Variants in AQP7 observed in about 807,000 individuals in gnomAD.
The protein encoded by AQP7 is aquaporin 7, also known as aquaporin-7.
In AQP7, 22 loss-of-function variants were observed where a neutral mutation model predicts 26.1. The ratio of observed to expected loss-of-function variants is 0.84; its 90% confidence interval spans 0.60 to 1.20. The LOEUF is 1.20. Ranked by LOEUF, AQP7 falls within the 50% of genes most tolerant of loss-of-function variation. The pLI, the probability that AQP7 is intolerant of heterozygous loss-of-function variation, is 0.00. For synonymous variants in AQP7, 167 were observed against 181.7 expected, an observed-to-expected ratio of 0.92 and a Z score of 0.65; for missense variants, 412 against 457.5, an observed-to-expected ratio of 0.90 and a Z score of 0.91.
At position 33,402,058 on chromosome 9, in the gene AQP7, C is replaced by T. The variant is rs530131957; in HGVS notation, c.-26+315G>A. On this transcript the variant is annotated intron_variant, in intron 1 of 7. Coordinates refer to ENST00000297988, the MANE Select transcript of AQP7 (RefSeq NM_001170.3). ...TGCCGGTGGTCTTCAGCTCTCTCCT[C>T]GTCCCACCCCCATGGTCTGCTGACA... 3.3e-3 allele frequency among the ~76,000 whole-genome samples: 504 copies of T among 152,192 alleles called. 3 individuals carry two copies. The highest frequency in any genetic ancestry group is 0.011 in the African/African-American group (473 of 41,508).
Position 33,395,137 on chromosome 9 carries a change from G to GT in AQP7, c.84dup (p.Leu29ThrfsTer34), listed in dbSNP as rs1825748394. On this transcript the variant is annotated frameshift_variant, in exon 3 of 8. Transcript: ENST00000297988. LOFTEE classifies it high-confidence loss of function. ...AACTCTCGCACCATCTTCCTCTGCA[G>GT]TATTTCCTGGATCTTTGCTATCACG... is the stretch of plus-strand genomic sequence containing the variant. The GT allele has an allele frequency of 6.2e-7, 1 of 1,613,866 alleles. No homozygotes were observed. The highest frequency in any genetic ancestry group is 8.5e-7 in the Non-Finnish European group (1 of 1,179,886).
intron 3 of AQP7, among the ~76,000 whole-genome samples, chr9:33,391,951 A>T (rs1825447067): frequency 6.6e-6 from 1 of 152,218 alleles, no homozygotes; most frequent in African/African-American, 2.4e-5. Context: ...GGGAGCATTA[A>T]CAAGCCAGAG....
At chr9:33,387,769 T>C (rs1413407357) in intron 3 of AQP7, among the ~76,000 whole-genome samples, 2 of 152,064 alleles carry the variant, frequency 1.3e-5, no homozygotes, top group Non-Finnish European at 2.9e-5. Flanking sequence ...GCTCCTGTGC[T>C]ATCCTCTCCC....
At chr9:33,402,122 C>G (rs1321620892) in intron 1 of AQP7, among the ~76,000 whole-genome samples, 1 of 152,180 alleles carries the variant, frequency 6.6e-6, no homozygotes, top group African/African-American at 2.4e-5. Context: ...TGCTCTACCG[C>G]TGGTCCTCCC....
rs1477831537 is a variant in AQP7 at position 33,395,165 on chromosome 9, C to T, written c.57G>A (p.Trp19Ter). 15 of 1,613,986 alleles carry T rather than the reference C, an allele frequency of 9.3e-6. No individual in the cohort carries two copies. Among genetic ancestry groups the T allele is most frequent in the Non-Finnish European group, 1.3e-5 (15 of 1,179,854 alleles). The change falls in exon 3 of 8, where the codon TGG becomes TGA. Residue 19 changes from tryptophan to a stop codon, truncating the protein, a stop_gained. Coordinates refer to ENST00000297988, the MANE Select transcript of AQP7 (RefSeq NM_001170.3). LOFTEE classifies it high-confidence loss of function. Reference protein sequence around the residue: ...RSTRGSKMVSWSVIAKIQEIL... With the variant: ...RSTRGSKMVS ...TTTCCTGGATCTTTGCTATCACGGACCAGGAGACCATTTTGGAGCCACGGG... is the reference window on the plus strand; with the variant it reads ...TTTCCTGGATCTTTGCTATCACGGATCAGGAGACCATTTTGGAGCCACGGG...
intron 3 of AQP7, among the ~76,000 whole-genome samples, chr9:33,387,432 C>T (rs1403913581): frequency 2.0e-5 from 3 of 152,050 alleles, no homozygotes; most frequent in Admixed American, 6.5e-5. Context: ...TGCATTGCAC[C>T]CCCTCAGAGT....
rs773455160 is a variant in AQP7 at position 33,386,167 on chromosome 9, C to T, written c.435G>A (p.Gln145=). ...TAGCGACGGGACCGGTCACCATCAG[C>T]TGTCCACCCGAAAAGTGGAGAATGG... ...YTAILHFSGG[Q]LMVTGPVATA... The change falls in exon 6 of 8, where the codon CAG becomes CAA. Residue 145 remains glutamine, a synonymous_variant. Transcript: ENST00000297988. The T allele has an allele frequency of 2.5e-6, 4 of 1,614,012 alleles. No homozygotes were observed. Among genetic ancestry groups the T allele is most frequent in the East Asian group, 2.2e-5 (1 of 44,890 alleles).
chr9:33,395,390 G>T (rs1825773608), intron 2 of AQP7, 195 bp from the exon 3 acceptor site: 8 of 599,212 alleles, frequency 1.3e-5, no homozygotes, highest in South Asian at 1.2e-4. Context: ...AGGAACTGGG[G>T]TAGATGGCCA....
At chr9:33,401,212 G>A in intron 2 of AQP7, 25 bp downstream of exon 2, 1 of 1,548,852 alleles carries the variant, frequency 6.5e-7, no homozygotes, top group Non-Finnish European at 8.7e-7. Flanking sequence ...GGGGCTGGAG[G>A]GTGAGAAGAG....
intron 2 of AQP7, among the ~76,000 whole-genome samples, chr9:33,396,683 C>T (rs1171615619): frequency 9.0e-5 from 13 of 144,720 alleles, no homozygotes; most frequent in Non-Finnish European, 1.7e-4. Context: ...GCCTTCTTTT[C>T]TTGACCTAAA....
intron 7 of AQP7, 85 bp downstream of exon 7, chr9:33,385,564 C>G: frequency 6.6e-7 from 1 of 1,509,548 alleles, no homozygotes; most frequent in Non-Finnish European, 9.1e-7. Context: ...CCCTCCTGTG[C>G]TGCCCCTCAC....
intron 7 of AQP7, 110 bp from the exon 8 acceptor site, chr9:33,385,400 A>G (rs1824651883): frequency 1.5e-6 from 2 of 1,312,398 alleles, no homozygotes; most frequent in Non-Finnish European, 2.1e-6. Flanking sequence ...AGGCTACCCC[A>G]GGAAACACCC....
chr9:33,399,969 TGAG>T (rs1293588557), intron 2 of AQP7, among the ~76,000 whole-genome samples: 1 of 151,858 alleles, frequency 6.6e-6, no homozygotes, highest in Non-Finnish European at 1.5e-5. Flanking sequence ...CTTGAGCAAC[TGAG>T]GAGAAGGGGA....
At chr9:33,393,971 C>A (rs995959760) in intron 3 of AQP7, 1 of 152,382 alleles carries the variant, frequency 6.6e-6, no homozygotes, top group Admixed American at 6.5e-5. Context: ...TCAACCCATC[C>A]TTTTCTCTTT....
chr9:33,394,588 C>T (rs1006103029), intron 3 of AQP7, among the ~76,000 whole-genome samples: 1 of 151,544 alleles, frequency 6.6e-6, no homozygotes, highest in African/African-American at 2.4e-5. Flanking sequence ...ACCTCCGCCT[C>T]CTGGGCTCAA....
chr9:33,385,237 T>C lies in AQP7; in HGVS notation c.797A>G (p.Tyr266Cys). 1 of 1,611,780 alleles carries C rather than the reference T, an allele frequency of 6.2e-7. No individual in the cohort carries two copies. ...VPVVAPLLGAYLGGIIYLVFI... is the reference protein window; with the variant it reads ...VPVVAPLLGACLGGIIYLVFI... ...GACCAGGTAGATGATGCCACCTAGATAGGCACCCAGAAGTGGTGCCACCAC... is the reference window on the plus strand; with the variant it reads ...GACCAGGTAGATGATGCCACCTAGACAGGCACCCAGAAGTGGTGCCACCAC... Residue 266 changes from tyrosine (Y) to cysteine (C), a missense_variant, in exon 8 of 8, where the codon TAT becomes TGT. Transcript: ENST00000297988.
chr9:33,388,280 C>A (rs1011171926), intron 3 of AQP7, among the ~76,000 whole-genome samples: 9 of 152,164 alleles, frequency 5.9e-5, no homozygotes, highest in African/African-American at 1.9e-4. Flanking sequence ...CCCCGTTGGC[C>A]GAGCCAGAAA....
Position 33,387,064 on chromosome 9 carries a change from A to T in AQP7, c.173T>A (p.Met58Lys), listed in dbSNP as rs764813738. 1.2e-6 allele frequency: 2 copies of T among 1,611,884 alleles called. No homozygotes were observed. The highest frequency in any genetic ancestry group is 1.7e-6 in the Non-Finnish European group (2 of 1,179,792). Residue 58 changes from methionine (M) to lysine (K), a missense_variant, in exon 4 of 8, where the codon ATG becomes AAG. Physicochemically the swap from Met to Lys is moderately conservative, Grantham distance 95 (BLOSUM62 -1). Coordinates refer to ENST00000297988, the MANE Select transcript of AQP7 (RefSeq NM_001170.3). ...MVFGLGSVAH[M>K]VLNKKYGSYL... ...GCTCCCATATTTTTTATTTAGAACC[A>T]TATGGGCCACGGAACCAAGGCCGAA...
chr9:33,385,379 G>C, intron 7 of AQP7, 89 bp from the exon 8 acceptor site: 2 of 1,455,350 alleles, frequency 1.4e-6, no homozygotes, highest in Non-Finnish European at 9.3e-7. Context: ...TTGAGCAGAG[G>C]AGTCATCCCC....
Sources: allele counts gnomAD v4.1 joint callset (sites outside exome capture counted in the v4.1 genomes callset), GRCh38; gene constraint gnomAD v4.1.1; transcripts MANE v1.5; gene names NCBI Gene and HGNC (gene_info 2026-07-23, HGNC 2026-07-21).